The following MTA3 variants were observed in gnomAD, a reference collection of about 807,000 sequenced individuals.
The protein encoded by MTA3 is metastasis-associated protein MTA3.
A neutral mutation model predicts 83.5 loss-of-function variants in MTA3; 34 were observed. The ratio of observed to expected loss-of-function variants is 0.41; its 90% CI spans 0.31 to 0.54. The LOEUF is 0.54. MTA3 is among the 20% of genes least tolerant of loss of function. MTA3 has a pLI of 0.33. For missense variants in MTA3, 761 were observed against 726.4 expected, an observed-to-expected ratio of 1.05 and a Z score of -0.55; for synonymous variants, 303 against 252.7, an observed-to-expected ratio of 1.20 and a Z score of -1.89.
chr2:42,549,310 AAT>A (rs1676967166), intron 2 of MTA3, among the ~76,000 whole-genome samples: 1 of 126,992 alleles, frequency 7.9e-6, no homozygotes, highest in Non-Finnish European at 1.6e-5. Context: ...ACACGTATAT[AAT>A]ATATAATATA....
intron 16 of MTA3, among the ~76,000 whole-genome samples, chr2:42,749,779 T>C (rs1669730386): frequency 6.6e-6 from 1 of 151,914 alleles, no homozygotes; most frequent in South Asian, 2.1e-4. Context: ...CAAACAGTTG[T>C]TCTTTATATT....
intron 2 of MTA3, among the ~76,000 whole-genome samples, chr2:42,548,878 T>TATATATTATATATATA (rs1676931278): frequency 8.9e-5 from 1 of 11,292 alleles, no homozygotes; most frequent in African/African-American, 7.7e-4. Context: ...ATATATATAA[T>TATATATTATATATATA]ATATATATAT....
chr2:42,646,263 AG>A lies in MTA3; in HGVS notation c.499+2021del, dbSNP rs1688174755. 2.0e-5 allele frequency among the ~76,000 whole-genome samples: 3 copies of A among 152,348 alleles called. No individual in the cohort carries two copies. In the South Asian group the frequency reaches 6.2e-4, roughly 32 times the overall value. On this transcript the variant is annotated intron_variant, in intron 6 of 16. Transcript: ENST00000405094. ...CCAAGAGCTCTGATGGGGATGTACAAGGAGGTGAATGTTGTTTGCATGACTG... is the reference window on the plus strand; with the variant it reads ...CCAAGAGCTCTGATGGGGATGTACAAGAGGTGAATGTTGTTTGCATGACTG...
At chr2:42,737,468 C>G (rs1240038328) in intron 16 of MTA3, among the ~76,000 whole-genome samples, 1 of 152,172 alleles carries the variant, frequency 6.6e-6, no homozygotes, top group Non-Finnish European at 1.5e-5. Context: ...CTTCCCTTCC[C>G]TCTTCAGTGC....
intron 2 of MTA3, among the ~76,000 whole-genome samples, chr2:42,528,024 A>C (rs1675798426): frequency 6.6e-6 from 1 of 152,118 alleles, no homozygotes; most frequent in African/African-American, 2.4e-5. Flanking sequence ...TCCCGGGTTC[A>C]AGTGATTCTC....
At chr2:42,587,183 ACT>A (rs774425434) in intron 3 of MTA3, among the ~76,000 whole-genome samples, 2 of 151,574 alleles carry the variant, frequency 1.3e-5, no homozygotes, top group Admixed American at 6.6e-5. Flanking sequence ...ACACAGTGAG[ACT>A]CTGTCTCAAA....
At chr2:42,549,363 G>T in intron 2 of MTA3, among the ~76,000 whole-genome samples, 1 of 103,052 alleles carries the variant, frequency 9.7e-6, no homozygotes, top group African/African-American at 3.9e-5. Flanking sequence ...ACATATATAC[G>T]TATATACGTA....
At chr2:42,652,090 GA>G (rs376546805) in intron 6 of MTA3, among the ~76,000 whole-genome samples, 1 of 151,694 alleles carries the variant, frequency 6.6e-6, no homozygotes, top group Non-Finnish European at 1.5e-5. Flanking sequence ...AGAAAAAAAA[GA>G]AAAAAAAGAG....
chr2:42,647,399 G>T (rs1006938098), intron 6 of MTA3, among the ~76,000 whole-genome samples: 3 of 151,400 alleles, frequency 2.0e-5, no homozygotes, highest in East Asian at 2.0e-4. Context: ...AATTTTTTTT[G>T]TATTTTTATT....
At chr2:42,615,231 G>A (rs1362650156) in intron 4 of MTA3, among the ~76,000 whole-genome samples, 1 of 149,992 alleles carries the variant, frequency 6.7e-6, no homozygotes, top group African/African-American at 2.5e-5. Context: ...AGATTATAAG[G>A]TTCTTGAAGA....
intron 2 of MTA3, among the ~76,000 whole-genome samples, chr2:42,508,016 C>T (rs1437352660): frequency 2.6e-5 from 4 of 151,896 alleles, no homozygotes; most frequent in Admixed American, 1.3e-4. Flanking sequence ...CAGATTACCT[C>T]TTTTTCCTGA....
intron 8 of MTA3, among the ~76,000 whole-genome samples, chr2:42,660,347 G>A (rs571285277): frequency 2.5e-4 from 38 of 152,230 alleles, no homozygotes; most frequent in African/African-American, 8.9e-4. Context: ...TCGGCCTTCC[G>A]AAGTGCTGGG....
At chr2:42,556,050 C>G (rs565200026) in intron 2 of MTA3, among the ~76,000 whole-genome samples, 1 of 151,118 alleles carries the variant, frequency 6.6e-6, no homozygotes, top group South Asian at 2.1e-4. Context: ...CCAGCCTGGG[C>G]GACAGAGCGA....
chr2:42,625,301 G>T (rs981173840), intron 4 of MTA3, among the ~76,000 whole-genome samples: 2 of 151,102 alleles, frequency 1.3e-5, no homozygotes, highest in African/African-American at 2.5e-5. Flanking sequence ...CAAAGTGTTG[G>T]GATTACAGGC....
In MTA3 at chr2:42,533,883, T is replaced by C. The variant is rs539741932; in HGVS notation, c.-140-36554T>C. Among the ~76,000 whole-genome samples, 293 of 151,498 alleles carry C rather than the reference T, an allele frequency of 1.9e-3. 2 individuals are homozygous for C. Among genetic ancestry groups the C allele is most frequent in the Middle Eastern group, 0.014 (4 of 290 alleles). ...AAGAAACGAAAGAATGGCTATTCCA[T>C]AGACAGAGCAGCCGATTTTCTCTCT... On this transcript the variant is annotated intron_variant, in intron 2 of 17. Transcript: ENST00000405592.
At chr2:42,656,326 G>A (rs1220098788) in intron 7 of MTA3, 24 bp downstream of exon 7, 2 of 1,472,340 alleles carry the variant, frequency 1.4e-6, no homozygotes, top group African/African-American at 1.4e-5. Context: ...TGGCATTATT[G>A]AGTCAATAAA....
chr2:42,629,898 C>T (rs1003681691), intron 4 of MTA3, among the ~76,000 whole-genome samples: 3 of 152,052 alleles, frequency 2.0e-5, no homozygotes, highest in African/African-American at 7.2e-5. Context: ...TGTGCCTCAG[C>T]CTCCTGAGTA....
At chr2:42,696,835 G>C (rs963015406) in intron 10 of MTA3, among the ~76,000 whole-genome samples, 2 of 152,150 alleles carry the variant, frequency 1.3e-5, no homozygotes, top group Non-Finnish European at 2.9e-5. Flanking sequence ...AAAATTTCCA[G>C]TGTCAATATT....
At chr2:42,678,233 A>C (rs1377722460) in intron 8 of MTA3, among the ~76,000 whole-genome samples, 2 of 152,208 alleles carry the variant, frequency 1.3e-5, no homozygotes, top group Non-Finnish European at 2.9e-5. Context: ...GACACATACA[A>C]CAGAAGACTA....
Sources: gnomAD v4.1 joint callset for allele counts (sites outside exome capture counted in the v4.1 genomes callset) on GRCh38, gnomAD v4.1.1 for gene constraint, MANE v1.5 for transcripts, NCBI Gene and HGNC (gene_info 2026-07-23, HGNC 2026-07-21) for gene names.